Variants in KIAA1217 observed in about 807,000 individuals in gnomAD.
The protein encoded by KIAA1217 is sickle tail protein homolog.
Under a neutral mutation model 163.9 loss-of-function variants are expected in KIAA1217, and 88 were observed. That is an observed-to-expected ratio of 0.54 (90% CI 0.45 to 0.64). The LOEUF (loss-of-function observed/expected upper bound fraction) is 0.64. Among genes scored for constraint, KIAA1217 ranks in the 30% least tolerant of loss-of-function variants. KIAA1217 has a pLI of 0.00. For missense variants in KIAA1217, 2,372 were observed against 2,475.0 expected, an observed-to-expected ratio of 0.96 and a Z score of 0.88; for synonymous variants, 903 against 923.1, an observed-to-expected ratio of 0.98 and a Z score of 0.39.
chr10:23,992,607 CTTTTTTTT>C (rs368335847), intron 1 of KIAA1217, among the ~76,000 whole-genome samples: 95 of 127,934 alleles, frequency 7.4e-4, no homozygotes, highest in Admixed American at 1.2e-3. Context: ...GCCATCATTT[CTTTTTTTT>C]TTTTTTTTTT....
In KIAA1217 at chr10:24,545,088, C is replaced by T. The variant is rs768253902; in HGVS notation, c.5319C>T (p.Pro1773=). 1 of 1,614,192 alleles carries T rather than the reference C, an allele frequency of 6.2e-7. No individual in the cohort carries two copies. The highest frequency in any genetic ancestry group is 8.5e-7 in the Non-Finnish European group (1 of 1,180,036). ...GCAAGCAGTCCAAACTGCAGGATCC[C>T]CGCCAATATCGTCAGGTAGTTTTAC... is the stretch of plus-strand genomic sequence containing the variant. ...KPGKQSKLQD[P]RQYRQANGSA... The change falls in exon 20 of 21, where the codon CCC becomes CCT. Residue 1773 remains proline, a synonymous_variant. Coordinates refer to ENST00000376454, the MANE Select transcript of KIAA1217 (RefSeq NM_019590.5).
chr10:24,530,165 T>C (rs2072906417), intron 14 of KIAA1217, among the ~76,000 whole-genome samples: 1 of 152,182 alleles, frequency 6.6e-6, no homozygotes, highest in Admixed American at 6.5e-5. Flanking sequence ...AGTCCTTTGA[T>C]GTTTTATATA....
Position 24,242,051 on chromosome 10 carries a change from G to A in KIAA1217, c.354+22142G>A, listed in dbSNP as rs370451102. ...CTCTCATTCCCAGCACTGTTTGGGG[G>A]CACTGGGAAAAGGTTGAGTTACCTT... On this transcript the variant is annotated intron_variant, in intron 2 of 20. Coordinates refer to ENST00000376454, the MANE Select transcript of KIAA1217 (RefSeq NM_019590.5). Among the ~76,000 whole-genome samples, 3 of 152,168 alleles carry A rather than the reference G, an allele frequency of 2.0e-5. No homozygotes were observed. The East Asian group carries it at 5.8e-4, about 29-fold the overall frequency.
intron 2 of KIAA1217, among the ~76,000 whole-genome samples, chr10:24,049,364 C>T (rs1239497132): frequency 2.0e-5 from 3 of 152,108 alleles, no homozygotes; most frequent in Non-Finnish European, 4.4e-5. Context: ...GCATAGAAAC[C>T]TAAAGATCGT....
chr10:24,150,439 T>C (rs118169113), intron 2 of KIAA1217, among the ~76,000 whole-genome samples: 2,657 of 152,320 alleles, frequency 0.017, 27 homozygotes, highest in Middle Eastern at 0.058. Flanking sequence ...TCTGATTCTG[T>C]CTCACTGTGG....
At chr10:24,290,333 G>A (rs2078967582) in intron 2 of KIAA1217, among the ~76,000 whole-genome samples, 1 of 152,096 alleles carries the variant, frequency 6.6e-6, no homozygotes, top group African/African-American at 2.4e-5. Flanking sequence ...AAAATATTAA[G>A]AGTAACTCTG....
intron 2 of KIAA1217, among the ~76,000 whole-genome samples, chr10:24,333,376 A>G (rs924440982): frequency 1.3e-5 from 2 of 152,148 alleles, no homozygotes; most frequent in African/African-American, 4.8e-5. Flanking sequence ...TAGAAGGCCT[A>G]CATGCTGAGT....
At chr10:23,858,421 C>CAT (rs1047329061) in intron 1 of KIAA1217, among the ~76,000 whole-genome samples, 86 of 151,670 alleles carry the variant, frequency 5.7e-4, no homozygotes, top group African/African-American at 1.9e-3. Context: ...ACCACAACAG[C>CAT]ATATATATAT....
intron 11 of KIAA1217, 51 bp downstream of exon 11, chr10:24,520,304 T>C: frequency 4.4e-6 from 7 of 1,597,622 alleles, no homozygotes; most frequent in African/African-American, 1.3e-5. Flanking sequence ...TTTCCTGCGG[T>C]GTTTAAAAAT....
At chr10:24,209,474 G>A (rs72774807) in intron 1 of KIAA1217, among the ~76,000 whole-genome samples, 41,796 of 152,092 alleles carry the variant, frequency 0.27, 6,805 homozygotes, top group Middle Eastern at 0.47. Context: ...TTCTTAAGCA[G>A]CAAAAGAGGT....
At chr10:23,984,636 C>T (rs1293702920) in intron 1 of KIAA1217, among the ~76,000 whole-genome samples, 2 of 152,006 alleles carry the variant, frequency 1.3e-5, no homozygotes, top group African/African-American at 4.8e-5. Context: ...AGCTGGAAAC[C>T]GTCATTCTCA....
At chr10:23,738,065 C>G (rs1175789758) in intron 1 of KIAA1217, among the ~76,000 whole-genome samples, 9 of 151,970 alleles carry the variant, frequency 5.9e-5, no homozygotes, top group African/African-American at 1.9e-4. Context: ...ACTTCTCCCT[C>G]CACGCATAAT....
chr10:24,516,047 G>A (rs909148566), intron 10 of KIAA1217, among the ~76,000 whole-genome samples: 2 of 152,228 alleles, frequency 1.3e-5, no homozygotes, highest in African/African-American at 4.8e-5. Context: ...TTCCAGCATG[G>A]ATATCAGAGC....
chr10:24,359,282 G>A (rs2049620651), intron 2 of KIAA1217, among the ~76,000 whole-genome samples: 1 of 151,620 alleles, frequency 6.6e-6, no homozygotes, highest in Non-Finnish European at 1.5e-5. Context: ...TTGTAAATAC[G>A]GAGTCTCAGC....
chr10:23,803,991 A>G (rs1218780359), intron 1 of KIAA1217, among the ~76,000 whole-genome samples: 1 of 152,226 alleles, frequency 6.6e-6, no homozygotes, highest in Non-Finnish European at 1.5e-5. Context: ...TATGATATAA[A>G]TATGGAAAAA....
chr10:24,103,911 A>G (rs561995457), intron 2 of KIAA1217, among the ~76,000 whole-genome samples: 5 of 152,314 alleles, frequency 3.3e-5, no homozygotes, highest in Admixed American at 2.6e-4. Context: ...TCCCCCAAAA[A>G]TAGACCAACA....
chr10:23,835,068 A>T (rs1399315474), intron 1 of KIAA1217, among the ~76,000 whole-genome samples: 1 of 152,032 alleles, frequency 6.6e-6, no homozygotes, highest in East Asian at 1.9e-4. Context: ...ATGGGACTGA[A>T]TGAAGTCATG....
At chr10:24,318,045 G>A (rs957034517) in intron 2 of KIAA1217, among the ~76,000 whole-genome samples, 6 of 151,848 alleles carry the variant, frequency 4.0e-5, no homozygotes, top group Non-Finnish European at 5.9e-5. Flanking sequence ...AGTGGCTCAT[G>A]CCTGCAATCC....
chr10:24,230,964 G>A (rs1682581216), intron 2 of KIAA1217, among the ~76,000 whole-genome samples: 1 of 152,162 alleles, frequency 6.6e-6, no homozygotes, highest in African/African-American at 2.4e-5. Flanking sequence ...TTAAATTCTA[G>A]ATCAGACCAC....
Sources: allele counts gnomAD v4.1 joint callset (sites outside exome capture counted in the v4.1 genomes callset), GRCh38; gene constraint gnomAD v4.1.1; transcripts MANE v1.5; gene names NCBI Gene and HGNC (gene_info 2026-07-23, HGNC 2026-07-21).